NEBL: variants seen among roughly 807,000 people sequenced by gnomAD.
NEBL encodes LIM and SH3 protein 2.
Under a neutral mutation model 140.2 loss-of-function variants are expected in NEBL, and 122 were observed. The observed-to-expected ratio is 0.87, with a 90% confidence interval of 0.75 to 1.01. The LOEUF (loss-of-function observed/expected upper bound fraction) is 1.01, where lower values mean the gene tolerates loss of function less well. NEBL is among the 50% of genes least tolerant of loss of function. NEBL has a pLI of 0.00. For synonymous variants in NEBL, 436 were observed against 398.9 expected, an observed-to-expected ratio of 1.09 and a Z score of -1.11; for missense variants, 1,365 against 1,231.3, an observed-to-expected ratio of 1.11 and a Z score of -1.62.
intron 2 of NEBL, among the ~76,000 whole-genome samples, chr10:21,132,639 C>T (rs1414920938): frequency 6.6e-6 from 1 of 152,220 alleles, no homozygotes; most frequent in Non-Finnish European, 1.5e-5. Flanking sequence ...CACATTCTCA[C>T]CAACATTTGT....
At chr10:20,805,992 C>T (rs1837583477) in intron 26 of NEBL, among the ~76,000 whole-genome samples, 1 of 152,118 alleles carries the variant, frequency 6.6e-6, no homozygotes, top group African/African-American at 2.4e-5. Flanking sequence ...TCCCTCTTAC[C>T]CATCCATGTG....
chr10:21,147,575 T>C (rs945731771), intron 2 of NEBL, among the ~76,000 whole-genome samples: 3 of 152,168 alleles, frequency 2.0e-5, no homozygotes, highest in Non-Finnish European at 4.4e-5. Context: ...GTAGTGTAAG[T>C]TTCCTCAGTC....
chr10:21,180,513 C>T (rs908961910), intron 3 of NEBL, among the ~76,000 whole-genome samples: 2 of 152,176 alleles, frequency 1.3e-5, no homozygotes, highest in African/African-American at 4.8e-5. Context: ...AATTGCCTCA[C>T]TTCTCCATTT....
chr10:21,246,862 C>A (rs923326718), intron 3 of NEBL, among the ~76,000 whole-genome samples: 2 of 151,966 alleles, frequency 1.3e-5, no homozygotes, highest in Non-Finnish European at 2.9e-5. Context: ...ATTGGTATAT[C>A]CATACTGATA....
At chr10:20,973,425 A>C (rs1329844360) in intron 3 of NEBL, among the ~76,000 whole-genome samples, 1 of 151,596 alleles carries the variant, frequency 6.6e-6, no homozygotes. Flanking sequence ...TTTTTTCTTC[A>C]ATTTTGTAGA....
At chr10:21,008,679 C>T (rs1460692397) in intron 3 of NEBL, among the ~76,000 whole-genome samples, 2 of 152,008 alleles carry the variant, frequency 1.3e-5, no homozygotes, top group African/African-American at 4.8e-5. Flanking sequence ...AGTGAAAACC[C>T]GCTGGTGGGA....
intron 4 of NEBL, among the ~76,000 whole-genome samples, chr10:20,923,902 A>ACCCAG (rs900102484): frequency 6.6e-6 from 1 of 151,588 alleles, no homozygotes; most frequent in Non-Finnish European, 1.5e-5. Flanking sequence ...GGAGGATGAA[A>ACCCAG]CCCAGCCCAC....
Position 20,784,200 on chromosome 10 carries a change from T to C in NEBL, c.*1547A>G, listed in dbSNP as rs1365133408. On this transcript the variant is annotated 3_prime_UTR_variant, in exon 28 of 28. Transcript: ENST00000377122. Reference sequence around the variant, plus strand: ...CAGTTTTGCTTTTTCGGTTTTGTCATAGCTGTGAAGTCAGACCCTAAGTGA... The same window carrying C: ...CAGTTTTGCTTTTTCGGTTTTGTCACAGCTGTGAAGTCAGACCCTAAGTGA... The C allele has an allele frequency of 6.6e-6, 1 of 152,154 alleles. No individual in the cohort carries two copies. The highest frequency in any genetic ancestry group is 2.4e-5 in the African/African-American group (1 of 41,432). The allele number at this position is 152,154 out of a possible 1,614,324, so 9.4% of individuals were successfully genotyped here.
At chr10:21,011,123 T>C (rs1838322191) in intron 3 of NEBL, among the ~76,000 whole-genome samples, 1 of 152,206 alleles carries the variant, frequency 6.6e-6, no homozygotes, top group Non-Finnish European at 1.5e-5. Context: ...CAGAGACTAT[T>C]ACAACTGGAA....
intron 4 of NEBL, among the ~76,000 whole-genome samples, chr10:20,923,469 G>T (rs1444106792): frequency 1.3e-5 from 2 of 151,628 alleles, no homozygotes; most frequent in Non-Finnish European, 2.9e-5. Context: ...ACGAGGTCAG[G>T]AGATCAAGAC....
chr10:21,209,647 C>A (rs1403574820), intron 3 of NEBL, among the ~76,000 whole-genome samples: 1 of 142,898 alleles, frequency 7.0e-6, no homozygotes, highest in Admixed American at 6.7e-5. Flanking sequence ...AGGCACCTGA[C>A]CTTTTTTTTT....
At chr10:21,241,454 G>T (rs1244159799) in intron 3 of NEBL, among the ~76,000 whole-genome samples, 1 of 152,034 alleles carries the variant, frequency 6.6e-6, no homozygotes, top group Non-Finnish European at 1.5e-5. Flanking sequence ...CCTACTTCAA[G>T]CATTCCCCTA....
At chr10:21,095,540 G>C (rs1837146278) in intron 2 of NEBL, among the ~76,000 whole-genome samples, 1 of 152,198 alleles carries the variant, frequency 6.6e-6, no homozygotes, top group Non-Finnish European at 1.5e-5. Context: ...AAACTGTTAA[G>C]CTTAAGGATT....
chr10:20,798,914 CG>C (rs1408932265), intron 26 of NEBL, among the ~76,000 whole-genome samples: 3 of 152,122 alleles, frequency 2.0e-5, no homozygotes, highest in Admixed American at 6.5e-5. Context: ...GAAAAGAAAA[CG>C]TATGACATTT....
At chr10:20,893,867 A>G (rs530231028) in intron 2 of NEBL, among the ~76,000 whole-genome samples, 115 of 152,320 alleles carry the variant, frequency 7.5e-4, no homozygotes, top group African/African-American at 2.7e-3. Flanking sequence ...GTCCTAAGCT[A>G]TCAGCTACAG....
chr10:20,855,545 A>T (rs901185951), intron 9 of NEBL, among the ~76,000 whole-genome samples: 8 of 152,054 alleles, frequency 5.3e-5, no homozygotes, highest in African/African-American at 1.9e-4. Context: ...ACGAAGGAAA[A>T]CTTAATTGAA....
chr10:21,102,563 C>A (rs1173445451), intron 2 of NEBL, among the ~76,000 whole-genome samples: 1 of 152,184 alleles, frequency 6.6e-6, no homozygotes, highest in Non-Finnish European at 1.5e-5. Context: ...CTTTCACTCA[C>A]TTTGAGTTTC....
At chr10:20,946,090 T>C (rs1446087125) in intron 4 of NEBL, among the ~76,000 whole-genome samples, 1 of 152,138 alleles carries the variant, frequency 6.6e-6, no homozygotes, top group Non-Finnish European at 1.5e-5. Flanking sequence ...TATGTGGGTG[T>C]CATCTATGTA....
At chr10:21,123,042 T>G (rs1589256948) in intron 2 of NEBL, among the ~76,000 whole-genome samples, 1 of 152,154 alleles carries the variant, frequency 6.6e-6, no homozygotes, top group South Asian at 2.1e-4. Context: ...TTTTGAAATA[T>G]CTCATATCAG....
Sources: allele counts gnomAD v4.1 joint callset (sites outside exome capture counted in the v4.1 genomes callset), GRCh38; gene constraint gnomAD v4.1.1; transcripts MANE v1.5; gene names NCBI Gene and HGNC (gene_info 2026-07-23, HGNC 2026-07-21).